The following GALNT10 variants were observed in gnomAD, a reference collection of about 807,000 sequenced individuals.
GALNT10 encodes the protein GalNAc transferase 10.
Under a neutral mutation model 75.0 loss-of-function variants are expected in GALNT10, and 41 were observed. The observed-to-expected ratio is 0.55, with a 90% CI of 0.43 to 0.71. The LOEUF (loss-of-function observed/expected upper bound fraction) is 0.71. Ranked by LOEUF, GALNT10 falls within the 30% of genes least tolerant of loss-of-function variation. The pLI, the probability that GALNT10 is intolerant of heterozygous loss-of-function variation, is 0.00. For synonymous variants in GALNT10, 302 were observed against 313.0 expected (o/e 0.96, Z 0.37); for missense variants, 727 against 818.5 (o/e 0.89, Z 1.36).
Position 154,190,951 on chromosome 5 carries a change from G to A in GALNT10, c.85G>A (p.Ala29Thr), listed in dbSNP as rs1319572643. 3.3e-6 allele frequency: 5 copies of A among 1,510,532 alleles called. No homozygotes were observed. The highest frequency in any genetic ancestry group is 2.6e-5 in the East Asian group (1 of 38,732). The allele number at this position is 1,510,532 out of a possible 1,614,324, so 93.6% of individuals were successfully genotyped here. A position where few individuals can be genotyped will look rare whatever the true frequency, so the allele number is the denominator to read the frequency against. Residue 29 changes from alanine (A) to threonine (T), a missense_variant, in exon 1 of 12, where the codon GCG becomes ACG. Ala to Thr is a moderately conservative substitution (Grantham distance 58). Transcript: ENST00000297107. ...LVLLPNVGLW[A>T]LYRERQPDGT... Reference sequence around the variant, plus strand: ...CCTCCTGCCCAACGTGGGGCTTTGGGCGCTGTACCGCGAGCGGCAGCCCGA... The same window carrying A: ...CCTCCTGCCCAACGTGGGGCTTTGGACGCTGTACCGCGAGCGGCAGCCCGA...
chr5:154,302,936 GA>G (rs1284659215), intron 3 of GALNT10, among the ~76,000 whole-genome samples: 2 of 152,078 alleles, frequency 1.3e-5, no homozygotes, highest in African/African-American at 4.8e-5. Context: ...TATTACCTTT[GA>G]CAAACATGTA....
At chr5:154,286,213 G>A (rs893277046) in intron 1 of GALNT10, among the ~76,000 whole-genome samples, 5 of 152,118 alleles carry the variant, frequency 3.3e-5, no homozygotes, top group East Asian at 1.9e-4. Context: ...GTAGGACCCC[G>A]TCCGTCTTCC....
intron 4 of GALNT10, among the ~76,000 whole-genome samples, chr5:154,353,058 A>T (rs1755233784): frequency 6.6e-6 from 1 of 152,168 alleles, no homozygotes; most frequent in Non-Finnish European, 1.5e-5. Context: ...AGTCCAGGGC[A>T]CGGATGAGGC....
In GALNT10 at chr5:154,330,607, T is replaced by G. The variant is rs145472183; in HGVS notation, c.568+869T>G. 6.0e-3 allele frequency among the ~76,000 whole-genome samples: 913 copies of G among 152,282 alleles called. 4 individuals carry two copies. Among genetic ancestry groups the G allele is most frequent in the Non-Finnish European group, 9.7e-3 (663 of 68,020 alleles). On this transcript the variant is annotated intron_variant, in intron 4 of 11. Transcript: ENST00000297107. Reference sequence around the variant, plus strand: ...CTGTGGAATAACTCAGTCTCGGGTTTAAGAGACACAGAGATGGGGCCAAAA... The same window carrying G: ...CTGTGGAATAACTCAGTCTCGGGTTGAAGAGACACAGAGATGGGGCCAAAA...
chr5:154,324,740 A>C (rs1754731293), intron 3 of GALNT10, among the ~76,000 whole-genome samples: 1 of 152,130 alleles, frequency 6.6e-6, no homozygotes, highest in Non-Finnish European at 1.5e-5. Flanking sequence ...CCGCATTTCT[A>C]ACAAGAACCT....
intron 4 of GALNT10, among the ~76,000 whole-genome samples, chr5:154,342,996 T>A (rs191679274): frequency 6.6e-6 from 1 of 152,206 alleles, no homozygotes; most frequent in Non-Finnish European, 1.5e-5. Flanking sequence ...CACGTGTGTT[T>A]TATGTGACAA....
At chr5:154,404,350 G>T (rs531857974) in intron 8 of GALNT10, 139 bp downstream of exon 8, 2 of 580,948 alleles carry the variant, frequency 3.4e-6, no homozygotes, top group South Asian at 4.6e-5. Flanking sequence ...GGTGAAATCT[G>T]ATTTAAAAGA....
chr5:154,395,824 C>T (rs373774755), intron 7 of GALNT10, among the ~76,000 whole-genome samples: 183 of 152,280 alleles, frequency 1.2e-3, no homozygotes, highest in African/African-American at 4.3e-3. Flanking sequence ...GAACCCTGGA[C>T]GAGCAGCATT....
chr5:154,223,232 A>G (rs114280006), intron 1 of GALNT10, among the ~76,000 whole-genome samples: 2,096 of 152,322 alleles, frequency 0.014, 42 homozygotes, highest in African/African-American at 0.047. Flanking sequence ...ACTAATCATT[A>G]TTGCATGCGT....
At chr5:154,242,546 G>T (rs536953967) in intron 1 of GALNT10, among the ~76,000 whole-genome samples, 1 of 152,296 alleles carries the variant, frequency 6.6e-6, no homozygotes, top group African/African-American at 2.4e-5. Flanking sequence ...GTGATCCTAT[G>T]AGGCATAAAC....
At chr5:154,229,121 C>T (rs1753108599) in intron 1 of GALNT10, among the ~76,000 whole-genome samples, 1 of 152,070 alleles carries the variant, frequency 6.6e-6, no homozygotes, top group South Asian at 2.1e-4. Context: ...TTTTTGTTTC[C>T]ATTTCTTTTG....
chr5:154,307,411 G>A (rs1279210185), intron 3 of GALNT10, among the ~76,000 whole-genome samples: 2 of 152,134 alleles, frequency 1.3e-5, no homozygotes, highest in Non-Finnish European at 2.9e-5. Flanking sequence ...ACGAGGTCAG[G>A]AGATTGAGAC....
At chr5:154,256,597 G>A (rs954048666) in intron 1 of GALNT10, among the ~76,000 whole-genome samples, 1 of 152,070 alleles carries the variant, frequency 6.6e-6, no homozygotes, top group Non-Finnish European at 1.5e-5. Context: ...GAATACAATT[G>A]TGTTCTTCAA....
At chr5:154,383,628 G>A (rs1188878414) in intron 6 of GALNT10, among the ~76,000 whole-genome samples, 2 of 152,118 alleles carry the variant, frequency 1.3e-5, no homozygotes, top group African/African-American at 2.4e-5. Context: ...CAGCCCCTCA[G>A]CCCCGGCCCC....
chr5:154,412,845 T>C lies in GALNT10; in HGVS notation c.1387-44T>C, dbSNP rs1756427232. 1 of 1,392,724 alleles carries C rather than the reference T, an allele frequency of 7.2e-7. No homozygotes were observed. Among genetic ancestry groups the C allele is most frequent in the African/African-American group, 1.4e-5 (1 of 70,712 alleles). 86.3% of individuals were successfully genotyped at this position (1,392,724 alleles called of 1,614,324 possible). On this transcript the variant is annotated intron_variant, in intron 9 of 11. Transcript: ENST00000297107. The surrounding 1 kb of genome is among the most constrained non-coding windows in gnomAD (Gnocchi z 4.2). ...ACCTGGCAGGGACCCGGTGGGCACC[T>C]TAAGGCACCTCAGTGGTCCACTTCT...
intron 4 of GALNT10, among the ~76,000 whole-genome samples, chr5:154,345,382 A>G (rs1755105808): frequency 6.6e-6 from 1 of 152,138 alleles, no homozygotes; most frequent in Non-Finnish European, 1.5e-5. Flanking sequence ...ACCATGCTGC[A>G]CATTAGGTCT....
At chr5:154,345,073 G>C (rs11167673) in intron 4 of GALNT10, among the ~76,000 whole-genome samples, 113,238 of 152,104 alleles carry the variant, frequency 0.74, 42,282 homozygotes, top group Admixed American at 0.81. Context: ...TATGGACACT[G>C]TAGTTGGGTC....
At chr5:154,374,007 T>C (rs1755616936) in intron 4 of GALNT10, among the ~76,000 whole-genome samples, 1 of 152,184 alleles carries the variant, frequency 6.6e-6, no homozygotes, top group African/African-American at 2.4e-5. Flanking sequence ...GACCTATCAG[T>C]TGAACCCAGC....
Position 154,412,821 on chromosome 5 carries a change from C to A in GALNT10, c.1387-68C>A. The A allele has an allele frequency of 1.9e-6, 2 of 1,056,158 alleles. No individual in the cohort carries two copies. The highest frequency in any genetic ancestry group is 3.0e-6 in the Non-Finnish European group (2 of 674,540). 65.4% of individuals were successfully genotyped at this position (1,056,158 alleles called of 1,614,324 possible). A position where few individuals can be genotyped will look rare whatever the true frequency, so the allele number is the denominator to read the frequency against. On this transcript the variant is annotated intron_variant, in intron 9 of 11. Coordinates refer to ENST00000297107, the MANE Select transcript of GALNT10 (RefSeq NM_198321.4). This position sits in a 1 kb window ranked among gnomAD's most constrained non-coding sequence, Gnocchi z 4.2. ...GTCTCCCACTTGGTTTCCCCTTTCA[C>A]CTGGCAGGGACCCGGTGGGCACCTT...
Sources: gnomAD v4.1 joint callset for allele counts (sites outside exome capture counted in the v4.1 genomes callset) on GRCh38, gnomAD v4.1.1 for gene constraint, Gnocchi (gnomAD v3.1) non-coding constraint, MANE v1.5 for transcripts, NCBI Gene and HGNC (gene_info 2026-07-23, HGNC 2026-07-21) for gene names.